The following TESMIN variants were observed in gnomAD, a reference collection of about 807,000 sequenced individuals.
The protein encoded by TESMIN is CXC domain containing 2.
TESMIN carries 34 observed loss-of-function variants against 47.4 expected under a neutral mutation model. The observed-to-expected ratio is 0.72, with a 90% CI of 0.55 to 0.96. The LOEUF (loss-of-function observed/expected upper bound fraction) is 0.96, where lower values mean the gene tolerates loss of function less well. Ranked by LOEUF, TESMIN falls within the 40% of genes least tolerant of loss-of-function variation. The pLI, the probability that TESMIN is intolerant of heterozygous loss-of-function variation, is 0.00. For missense variants in TESMIN, 610 were observed against 637.2 expected (o/e 0.96, Z 0.46); for synonymous variants, 278 against 258.9 (o/e 1.07, Z -0.71).
Position 68,741,440 on chromosome 11 carries a change from T to TC in TESMIN, c.828+877dup, listed in dbSNP as rs1203618539. On this transcript the variant is annotated intron_variant, in intron 5 of 9. Transcript: ENST00000255087. ...TTTTTAAACCTGCAACTAGGCTTTT[T>TC]CCCCATCAAATCCCCATCCCCCCAA... 2.0e-5 allele frequency among the ~76,000 whole-genome samples: 3 copies of TC among 152,342 alleles called. No homozygotes were observed. The East Asian group carries it at 5.8e-4, about 29-fold the overall frequency.
At chr11:68,734,422 C>G (rs1209547810) in intron 6 of TESMIN, among the ~76,000 whole-genome samples, 1 of 152,192 alleles carries the variant, frequency 6.6e-6, no homozygotes, top group African/African-American at 2.4e-5. Context: ...GAGACACTCA[C>G]CAAGGAGCTC....
At chr11:68,733,105 G>A (rs973149609) in intron 6 of TESMIN, among the ~76,000 whole-genome samples, 3 of 152,190 alleles carry the variant, frequency 2.0e-5, no homozygotes, top group African/African-American at 7.2e-5. Flanking sequence ...GGGTGGCCGA[G>A]GAAACTGATG....
At chr11:68,730,285 T>C (rs2153991617) in intron 6 of TESMIN, among the ~76,000 whole-genome samples, 1 of 152,352 alleles carries the variant, frequency 6.6e-6, no homozygotes, top group South Asian at 2.1e-4. Flanking sequence ...GCTGTGGAGC[T>C]GAAGCTGCAG....
chr11:68,738,479 C>T, intron 6 of TESMIN: 3 of 1,347,126 alleles, frequency 2.2e-6, no homozygotes, highest in Admixed American at 3.2e-5. Flanking sequence ...GGGACAGATG[C>T]AGGTTATGGG....
intron 7 of TESMIN, among the ~76,000 whole-genome samples, chr11:68,715,328 A>G (rs1412473417): frequency 6.6e-6 from 1 of 152,228 alleles, no homozygotes; most frequent in African/African-American, 2.4e-5. Flanking sequence ...CGGGGGCATC[A>G]AAGTAACCTT....
chr11:68,706,005 AGAGT>A (rs1945993323), downstream of TESMIN, among the ~76,000 whole-genome samples: 1 of 144,488 alleles, frequency 6.9e-6, no homozygotes, highest in South Asian at 2.3e-4. Context: ...CCTGGGCAAC[AGAGT>A]GAGACTCCGT....
Position 68,750,754 on chromosome 11 carries a change from G to T in TESMIN, c.-39-55C>A. ...CAGAGGAGAGGACGAGGGGAGGGGC[G>T]GCCAGGAAAGGGGACAGCCAAGGGA... is the stretch of plus-strand genomic sequence containing the variant. On this transcript the variant is annotated intron_variant, in intron 1 of 9. Coordinates refer to ENST00000255087, the MANE Select transcript of TESMIN (RefSeq NM_004923.3). 1.2e-6 allele frequency: 1 copy of T among 843,724 alleles called. No homozygotes were observed. Among genetic ancestry groups the T allele is most frequent in the Non-Finnish European group, 1.7e-6 (1 of 603,496 alleles). The allele number at this position is 843,724 out of a possible 1,614,324, so 52.3% of individuals were successfully genotyped here. A position where few individuals can be genotyped will look rare whatever the true frequency, so the allele number is the denominator to read the frequency against.
Position 68,736,370 on chromosome 11 carries a change from G to C in TESMIN, c.917+2330C>G, listed in dbSNP as rs998767368. The C allele has an allele frequency of 5.1e-6, 5 of 985,356 alleles. No individual in the cohort carries two copies. In the African/African-American group the frequency reaches 7.0e-5, roughly 14 times the overall value. The allele number at this position is 985,356 out of a possible 1,614,324, so 61.0% of individuals were successfully genotyped here. A position where few individuals can be genotyped will look rare whatever the true frequency, so the allele number is the denominator to read the frequency against. ...TCGGGTCAGCTCGCACACTCAGCCT[G>C]CTGGCCTCCAGCCTAAGCTGAACTG... On this transcript the variant is annotated intron_variant, in intron 6 of 9. Transcript: ENST00000255087.
At chr11:68,711,162 A>AGTGTGTGTGT (rs1261808673) in intron 8 of TESMIN, 113 bp from the exon 9 acceptor site, 3 of 925,364 alleles carry the variant, frequency 3.2e-6, no homozygotes, top group Non-Finnish European at 4.9e-6. Flanking sequence ...CATGACAGAG[A>AGTGTGTGTGT]GTGTGTGTGT....
At chr11:68,716,032 T>C in intron 6 of TESMIN, 93 bp from the exon 7 acceptor site, 3 of 809,414 alleles carry the variant, frequency 3.7e-6, no homozygotes, top group Middle Eastern at 2.3e-4. Context: ...GAGCGGGCAG[T>C]GTGCTGCAGT....
rs375551503 is a variant in TESMIN, at chr11:68,711,098, C to T, written c.1159-49G>A. On this transcript the variant is annotated intron_variant, in intron 8 of 9. Coordinates refer to ENST00000255087, the MANE Select transcript of TESMIN (RefSeq NM_004923.3). ...AAAATTAGGTTGTCTCACAAGTCAT[C>T]AAAAACTGACAAATTCTATTTGGAC... 1.5e-5 allele frequency: 21 copies of T among 1,427,124 alleles called. No individual in the cohort carries two copies. In the South Asian group the frequency reaches 2.2e-4, roughly 15 times the overall value. 88.4% of individuals were successfully genotyped at this position (1,427,124 alleles called of 1,614,324 possible).
chr11:68,738,045 C>G, intron 6 of TESMIN: 1 of 985,556 alleles, frequency 1.0e-6, no homozygotes, highest in Non-Finnish European at 1.2e-6. Flanking sequence ...GTTGCCCAAA[C>G]CACTGTTAAT....
At chr11:68,742,457 G>A in intron 4 of TESMIN, 63 bp from the exon 5 acceptor site, 4 of 1,073,592 alleles carry the variant, frequency 3.7e-6, no homozygotes, top group Non-Finnish European at 5.5e-6. Flanking sequence ...CTTACACGTG[G>A]ATGAAAGTAC....
chr11:68,705,151 C>T (rs1945986516), downstream of TESMIN, among the ~76,000 whole-genome samples: 1 of 152,192 alleles, frequency 6.6e-6, no homozygotes, highest in Non-Finnish European at 1.5e-5. Flanking sequence ...ATGCACAAAG[C>T]TGTGCCCGGT....
chr11:68,723,456 A>C (rs1946225279), intron 6 of TESMIN, among the ~76,000 whole-genome samples: 1 of 147,276 alleles, frequency 6.8e-6, no homozygotes, highest in South Asian at 2.2e-4. Flanking sequence ...CTTTAAGTGC[A>C]TTTCCTAAAA....
At chr11:68,734,714 C>T (rs1403474826) in intron 6 of TESMIN, among the ~76,000 whole-genome samples, 1 of 152,214 alleles carries the variant, frequency 6.6e-6, no homozygotes, top group Non-Finnish European at 1.5e-5. Flanking sequence ...TAGAACAGCA[C>T]CTGGCACACA....
chr11:68,728,503 G>C (rs1478660968), intron 6 of TESMIN, among the ~76,000 whole-genome samples: 1 of 152,254 alleles, frequency 6.6e-6, no homozygotes, highest in Non-Finnish European at 1.5e-5. Context: ...TGATGGAGAA[G>C]CTGCAGCAAG....
chr11:68,717,929 A>G lies in TESMIN; in HGVS notation c.918-1990T>C, dbSNP rs530229801. ...AGGTTTCTTCTACTCAGCTTCTAGC[A>G]TTCTAGCAGGAGACTAGAAAAGCCT... On this transcript the variant is annotated intron_variant, in intron 6 of 9. Coordinates refer to ENST00000255087, the MANE Select transcript of TESMIN (RefSeq NM_004923.3). Among the ~76,000 whole-genome samples, 11 of 152,342 alleles carry G rather than the reference A, an allele frequency of 7.2e-5. No individual in the cohort carries two copies. The South Asian group carries it at 2.3e-3, about 32-fold the overall frequency.
At chr11:68,741,351 C>T (rs1946453626) in intron 5 of TESMIN, among the ~76,000 whole-genome samples, 1 of 152,196 alleles carries the variant, frequency 6.6e-6, no homozygotes, top group African/African-American at 2.4e-5. Flanking sequence ...TCACAGAGCT[C>T]ATTCCCTCAT....
Sources: gnomAD v4.1 joint callset for allele counts (sites outside exome capture counted in the v4.1 genomes callset) on GRCh38, gnomAD v4.1.1 for gene constraint, MANE v1.5 for transcripts, NCBI Gene and HGNC (gene_info 2026-07-23, HGNC 2026-07-21) for gene names.